ESR1: variants seen among roughly 807,000 people sequenced by gnomAD.
The protein encoded by ESR1 is estrogen receptor.
In ESR1, 12 loss-of-function variants were observed where a neutral mutation model predicts 52.7. The ratio of observed to expected loss-of-function variants is 0.23; its 90% CI spans 0.15 to 0.37. ESR1 has a LOEUF of 0.37. Among genes scored for constraint, ESR1 ranks in the 10% least tolerant of loss-of-function variants. The pLI is 1.00. For synonymous variants in ESR1, 305 were observed against 316.8 expected (o/e 0.96, Z 0.39); for missense variants, 584 against 779.7 (o/e 0.75, Z 2.99).
chr6:151,660,705 G>A (rs1777609073), intron 1 of ESR1, among the ~76,000 whole-genome samples: 1 of 152,120 alleles, frequency 6.6e-6, no homozygotes. Flanking sequence ...ATACGTATAT[G>A]TTATGTAGAC....
intron 6 of ESR1, among the ~76,000 whole-genome samples, chr6:152,071,277 C>T (rs962267821): frequency 4.0e-4 from 61 of 152,176 alleles, no homozygotes; most frequent in African/African-American, 1.5e-3. Context: ...ATAGTTTTCA[C>T]TAAATTGGAT....
At chr6:151,960,512 A>G (rs1051464851) in intron 4 of ESR1, among the ~76,000 whole-genome samples, 3 of 152,218 alleles carry the variant, frequency 2.0e-5, no homozygotes, top group African/African-American at 7.2e-5. Flanking sequence ...CACCAAGTGC[A>G]GAGTCCTGAC....
intron 2 of ESR1, among the ~76,000 whole-genome samples, chr6:151,762,927 G>A (rs1030565023): frequency 1.3e-5 from 2 of 151,866 alleles, no homozygotes; most frequent in Non-Finnish European, 1.5e-5. Context: ...GTGACAGAGT[G>A]GGACTCCATC....
intron 3 of ESR1, among the ~76,000 whole-genome samples, chr6:151,894,087 A>T (rs1795093459): frequency 6.6e-6 from 1 of 152,126 alleles, no homozygotes; most frequent in African/African-American, 2.4e-5. Context: ...GAAAATGGCC[A>T]TTCTTGTGGG....
chr6:152,074,622 T>C (rs1322371341), intron 6 of ESR1, among the ~76,000 whole-genome samples: 2 of 152,216 alleles, frequency 1.3e-5, no homozygotes, highest in Admixed American at 6.5e-5. Context: ...AGGAGCACAA[T>C]TGCTGGATTG....
At chr6:151,846,826 G>A (rs986056862) in intron 2 of ESR1, among the ~76,000 whole-genome samples, 2 of 152,178 alleles carry the variant, frequency 1.3e-5, no homozygotes, top group Non-Finnish European at 2.9e-5. Flanking sequence ...TAGAAGTAGT[G>A]TTCCTTAAGA....
At chr6:151,819,897 A>G (rs1309237719) in intron 1 of ESR1, among the ~76,000 whole-genome samples, 3 of 152,200 alleles carry the variant, frequency 2.0e-5, no homozygotes, top group South Asian at 2.1e-4. Context: ...TTCATTTATC[A>G]TATTCATTCA....
intron 2 of ESR1, among the ~76,000 whole-genome samples, chr6:151,748,745 C>T (rs1485804694): frequency 6.6e-6 from 1 of 152,000 alleles, no homozygotes; most frequent in Non-Finnish European, 1.5e-5. Flanking sequence ...GTTGATTTGA[C>T]CTATAAGGGG....
chr6:151,922,233 A>G (rs569152678), intron 3 of ESR1, among the ~76,000 whole-genome samples: 1 of 152,310 alleles, frequency 6.6e-6, no homozygotes, highest in South Asian at 2.1e-4. Flanking sequence ...TATTTAATAA[A>G]TGGTGCTGGG....
chr6:151,809,163 G>T, intron 1 of ESR1: 1 of 448,310 alleles, frequency 2.2e-6, no homozygotes, highest in South Asian at 1.6e-5. Context: ...CGGGGAGAAT[G>T]CCCCGGAGTG....
chr6:151,860,296 A>G (rs1788634835), intron 2 of ESR1, among the ~76,000 whole-genome samples: 2 of 152,130 alleles, frequency 1.3e-5, no homozygotes, highest in South Asian at 4.1e-4. Context: ...AATCTCTCTT[A>G]GCAAATTTCC....
rs2050824426 is a variant in ESR1, at chr6:152,098,598, G to C, written c.1554-134G>C. 1.3e-6 allele frequency: 1 copy of C among 766,220 alleles called. No homozygotes were observed. Among genetic ancestry groups the C allele is most frequent in the Non-Finnish European group, 2.2e-6 (1 of 444,906 alleles). The allele number at this position is 766,220 out of a possible 1,614,324, so 47.5% of individuals were successfully genotyped here. ...CTTTCCCAGCTCCCATCCTAAAGTG[G>C]GTCTTTAAACAGGAAGAAAGAAAGA... On this transcript the variant is annotated intron_variant, in intron 7 of 7. Transcript: ENST00000206249. The surrounding 1 kb of genome is among the most constrained non-coding windows in gnomAD (Gnocchi z 5.1).
chr6:151,798,647 A>G (rs755506430), intron 2 of ESR1, among the ~76,000 whole-genome samples: 21 of 152,234 alleles, frequency 1.4e-4, no homozygotes, highest in Non-Finnish European at 2.9e-4. Flanking sequence ...AGTTTCCCCA[A>G]TGAGTATGAT....
intron 1 of ESR1, among the ~76,000 whole-genome samples, chr6:151,657,142 A>C (rs935019028): frequency 6.6e-6 from 1 of 152,178 alleles, no homozygotes; most frequent in Non-Finnish European, 1.5e-5. Flanking sequence ...CTGTCTATTC[A>C]TATAGGGGCA....
chr6:151,850,070 A>T, intron 2 of ESR1, among the ~76,000 whole-genome samples: 1 of 131,264 alleles, frequency 7.6e-6, no homozygotes, highest in South Asian at 2.2e-4. Context: ...TTTTATATAT[A>T]TATAAAAAAT....
intron 4 of ESR1, among the ~76,000 whole-genome samples, chr6:151,959,506 T>C (rs2037404660): frequency 6.6e-6 from 1 of 152,236 alleles, no homozygotes; most frequent in Non-Finnish European, 1.5e-5. Context: ...TTCCTATATG[T>C]CACTGAAGAG....
At chr6:151,702,849 A>G (rs1458481248) in intron 2 of ESR1, among the ~76,000 whole-genome samples, 1 of 152,238 alleles carries the variant, frequency 6.6e-6, no homozygotes, top group Non-Finnish European at 1.5e-5. Flanking sequence ...ACCATTGCCT[A>G]GAAGCCAACT....
chr6:151,808,589 A>G (rs1306195474), intron 1 of ESR1, among the ~76,000 whole-genome samples: 1 of 151,532 alleles, frequency 6.6e-6, no homozygotes, highest in African/African-American at 2.4e-5. Flanking sequence ...AAAAAAACGT[A>G]CTCTCCACCC....
At chr6:152,122,353 G>C in intron 6 of ESR1, 1 of 1,609,970 alleles carries the variant, frequency 6.2e-7, no homozygotes, top group South Asian at 1.1e-5. Context: ...CAAGATCAAG[G>C]TCCTCTTGTT....
Sources: allele counts gnomAD v4.1 joint callset (sites outside exome capture counted in the v4.1 genomes callset), GRCh38; gene constraint gnomAD v4.1.1; non-coding constraint Gnocchi (gnomAD v3.1); transcripts MANE v1.5; gene names NCBI Gene and HGNC (gene_info 2026-07-23, HGNC 2026-07-21).